PDE6B: variants seen among roughly 807,000 people sequenced by gnomAD.
PDE6B encodes rod cGMP-specific 3',5'-cyclic phosphodiesterase subunit beta.
A neutral mutation model predicts 109.0 loss-of-function variants in PDE6B; 106 were observed. That is an observed-to-expected ratio of 0.97 (90% confidence interval 0.83 to 1.14). The LOEUF (loss-of-function observed/expected upper bound fraction) is 1.14, where lower values mean the gene tolerates loss of function less well. Ranked by LOEUF, PDE6B falls within the 50% of genes most tolerant of loss-of-function variation. The pLI is 0.00. For synonymous variants in PDE6B, 490 were observed against 471.3 expected, an observed-to-expected ratio of 1.04 and a Z score of -0.51; for missense variants, 1,193 against 1,155.6, an observed-to-expected ratio of 1.03 and a Z score of -0.47.
At chr4:632,963 A>T (rs993494002) in intron 1 of PDE6B, among the ~76,000 whole-genome samples, 1 of 152,148 alleles carries the variant, frequency 6.6e-6, no homozygotes, top group African/African-American at 2.4e-5. Flanking sequence ...GGGTAAAAGG[A>T]TGGGCTCCAG....
intron 3 of PDE6B, among the ~76,000 whole-genome samples, chr4:640,666 G>A (rs1734908007): frequency 6.6e-6 from 1 of 152,150 alleles, no homozygotes; most frequent in East Asian, 1.9e-4. Context: ...AGGTTGTATA[G>A]ATTTGTATTT....
intron 3 of PDE6B, among the ~76,000 whole-genome samples, chr4:651,282 G>T (rs1418962591): frequency 6.6e-6 from 1 of 152,040 alleles, no homozygotes; most frequent in African/African-American, 2.4e-5. Flanking sequence ...CAGCAGTGGG[G>T]CCGTCACAGG....
At chr4:659,574 T>G (rs562367311) in intron 11 of PDE6B, among the ~76,000 whole-genome samples, 38 of 150,154 alleles carry the variant, frequency 2.5e-4, no homozygotes, top group Non-Finnish European at 3.5e-4. Context: ...CACATGTGGG[T>G]GTGTGTGTGC....
chr4:646,043 G>A (rs1456515947), intron 3 of PDE6B, among the ~76,000 whole-genome samples: 1 of 151,974 alleles, frequency 6.6e-6, no homozygotes, highest in Non-Finnish European at 1.5e-5. Context: ...AAGAAAATAT[G>A]TTGCTTTCCT....
intron 6 of PDE6B, chr4:655,109 G>A: frequency 3.4e-6 from 2 of 592,376 alleles, no homozygotes; most frequent in East Asian, 5.6e-5. Flanking sequence ...AGGAGGACGT[G>A]GGCTGCTGAG....
chr4:656,760 G>A (rs911092301), intron 8 of PDE6B, 114 bp from the exon 9 acceptor site: 24 of 914,486 alleles, frequency 2.6e-5, no homozygotes, highest in Admixed American at 7.5e-5. Context: ...ACAGGAACAC[G>A]AGCCCAGCCG....
In PDE6B at chr4:636,172, C is replaced by T. The variant is rs933995444; in HGVS notation, c.711+203C>T. Among the ~76,000 whole-genome samples, 2 of 152,172 alleles carry T rather than the reference C, an allele frequency of 1.3e-5. No homozygotes were observed. Among genetic ancestry groups the T allele is most frequent in the African/African-American group, 4.8e-5 (2 of 41,440 alleles). ...AATGGCCAGACCCATCTGCCACCTGCCTGCCATCTGGCCAGAGTGGGTGTG... is the reference window on the plus strand; with the variant it reads ...AATGGCCAGACCCATCTGCCACCTGTCTGCCATCTGGCCAGAGTGGGTGTG... On this transcript the variant is annotated intron_variant, in intron 3 of 21. Coordinates refer to ENST00000496514, the MANE Select transcript of PDE6B (RefSeq NM_000283.4). The surrounding 1 kb of genome is among the most constrained non-coding windows in gnomAD (Gnocchi z 4.5).
chr4:659,155 G>C (rs973393625), intron 11 of PDE6B, 138 bp downstream of exon 11: 18 of 713,806 alleles, frequency 2.5e-5, no homozygotes, highest in Non-Finnish European at 4.0e-5. Flanking sequence ...GTGTATACTT[G>C]TGTATCTAAG....
At chr4:659,636 ACACATGTGTGTG>A (rs1736814574) in intron 11 of PDE6B, among the ~76,000 whole-genome samples, 2 of 146,576 alleles carry the variant, frequency 1.4e-5, no homozygotes, top group Non-Finnish European at 1.5e-5. Flanking sequence ...GCACATGTGT[ACACATGTGTGTG>A]CACATGTGTG....
chr4:654,013 GGACCCCCTGCCTGGCCC>G, intron 4 of PDE6B, 21 bp downstream of exon 4: 1 of 1,613,696 alleles, frequency 6.2e-7, no homozygotes, highest in East Asian at 2.2e-5. Flanking sequence ...CGTGGCTCAG[GGACCCCCTGCCTGGCCC>G]GACCCAGGTC....
chr4:631,108 G>A (rs10029928), intron 1 of PDE6B, among the ~76,000 whole-genome samples: 27,792 of 152,188 alleles, frequency 0.18, 3,042 homozygotes, highest in African/African-American at 0.3. Context: ...TCCTGAGTGC[G>A]CTTAAATCCC....
intron 1 of PDE6B, among the ~76,000 whole-genome samples, chr4:627,796 G>A (rs1413946720): frequency 6.6e-6 from 1 of 151,882 alleles, no homozygotes; most frequent in Admixed American, 6.6e-5. Context: ...CCAAATCTGG[G>A]CTGTGTCTTT....
chr4:634,663 C>G lies in PDE6B; in HGVS notation c.469-14C>G. The stretch of plus-strand genomic sequence containing the variant: ...TGCGACAGCCTCTTTAGCCTCTTTC[C>G]TCTCTTGCGGCAGTGCCCTCACTTC... On this transcript the variant is annotated splice_polypyrimidine_tract_variant and intron_variant, in intron 1 of 21. Transcript: ENST00000496514. The G allele has an allele frequency of 6.2e-7, 1 of 1,610,172 alleles. No individual in the cohort carries two copies. The highest frequency in any genetic ancestry group is 8.5e-7 in the Non-Finnish European group (1 of 1,176,400).
intron 17 of PDE6B, among the ~76,000 whole-genome samples, chr4:664,673 G>A (rs529833985): frequency 4.9e-4 from 74 of 152,232 alleles, no homozygotes; most frequent in African/African-American, 1.7e-3. Flanking sequence ...AAAATTAGCC[G>A]GGCGTGGTGG....
Position 625,903 on chromosome 4 carries a change from A to G in PDE6B, c.277A>G (p.Ser93Gly), listed in dbSNP as rs1385985703. The change falls in exon 1 of 22, where the codon AGC (serine) becomes GGC (glycine). Residue 93 changes from serine (S) to glycine (G), a missense_variant. Coordinates refer to ENST00000496514, the MANE Select transcript of PDE6B (RefSeq NM_000283.4). This position sits in a 1 kb window ranked among gnomAD's most constrained non-coding sequence, Gnocchi z 5.0. ...CACCCTCCTGCAGGCCGACCGCTGC[A>G]GCCTCTTCATGTACCGCCAGCGCAA... ...LCTLLQADRC[S>G]LFMYRQRNGV... The G allele has an allele frequency of 3.1e-6, 5 of 1,603,976 alleles. No homozygotes were observed. The highest frequency in any genetic ancestry group is 3.4e-5 in the Admixed American group (2 of 58,474).
chr4:655,715 G>A (rs1560121185), intron 6 of PDE6B: 17 of 628,170 alleles, frequency 2.7e-5, no homozygotes, highest in South Asian at 1.8e-4. Context: ...CTGCACACAC[G>A]CCCAGTCCAT....
chr4:645,821 A>C (rs1735174651), intron 3 of PDE6B, among the ~76,000 whole-genome samples: 1 of 151,996 alleles, frequency 6.6e-6, no homozygotes, highest in Admixed American at 6.6e-5. Context: ...ATTTGCAATA[A>C]TCATTTATGA....
chr4:667,991 G>A lies in PDE6B; in HGVS notation c.2488G>A (p.Val830Met). The A allele has an allele frequency of 6.2e-7, 1 of 1,612,366 alleles. No homozygotes were observed. The highest frequency in any genetic ancestry group is 8.5e-7 in the Non-Finnish European group (1 of 1,179,556). Residue 830 changes from valine to methionine, a missense_variant, in exon 21 of 22, where the codon GTG becomes ATG. Val to Met is a conservative substitution (Grantham distance 21, BLOSUM62 1). Transcript: ENST00000496514. ...ALEEKEEEER[V>M]AAKKVGTEIC... ...GGAGGAGAAGGAGGAGGAGGAGAGG[G>A]TGGCAGCCAAGAAAGGTCTGGCTCT...
intron 3 of PDE6B, chr4:653,166 T>C: frequency 1.0e-6 from 1 of 992,236 alleles, no homozygotes; most frequent in Non-Finnish European, 1.2e-6. Context: ...GGGAGAGAGC[T>C]GGGCTAGGAC....
Sources: gnomAD v4.1 joint callset for allele counts (sites outside exome capture counted in the v4.1 genomes callset) on GRCh38, gnomAD v4.1.1 for gene constraint, Gnocchi (gnomAD v3.1) non-coding constraint, MANE v1.5 for transcripts, NCBI Gene and HGNC (gene_info 2026-07-23, HGNC 2026-07-21) for gene names.